The following NF1 variants were observed in gnomAD, a reference collection of about 807,000 sequenced individuals.
NF1 encodes neurofibromin 1, also known as neurofibromin.
Under a neutral mutation model 325.7 loss-of-function variants are expected in NF1, and 122 were observed. The ratio of observed to expected loss-of-function variants is 0.37; its 90% confidence interval spans 0.32 to 0.44. The LOEUF (loss-of-function observed/expected upper bound fraction) is 0.44, where lower values mean the gene tolerates loss of function less well. NF1 is among the 20% of genes least tolerant of loss of function. NF1 has a pLI of 1.00. For synonymous variants in NF1, 1,091 were observed against 1,186.0 expected (o/e 0.92, Z 1.65); for missense variants, 2,140 against 3,415.4 (o/e 0.63, Z 9.31).
chr17:31,185,532 A>G (rs995544096), intron 8 of NF1, among the ~76,000 whole-genome samples: 6 of 152,140 alleles, frequency 3.9e-5, no homozygotes, highest in Non-Finnish European at 8.8e-5. Flanking sequence ...TAAAATTTCT[A>G]GGGCTTCAGG....
At chr17:31,272,129 A>T (rs2151476814) in intron 36 of NF1, 1 of 152,362 alleles carries the variant, frequency 6.6e-6, no homozygotes, top group Middle Eastern at 3.4e-3. Flanking sequence ...AAAAATCAAG[A>T]TGATAATTTC....
rs1010335256 is a variant in NF1, at chr17:31,337,730, G to A, written c.6643-89G>A. 2.4e-5 allele frequency: 35 copies of A among 1,455,948 alleles called. No homozygotes were observed. The East Asian group carries it at 8.2e-4, about 34-fold the overall frequency. 90.2% of individuals were successfully genotyped at this position (1,455,948 alleles called of 1,614,324 possible). On this transcript the variant is annotated intron_variant, in intron 43 of 57. Coordinates refer to ENST00000358273, the MANE Select transcript of NF1 (RefSeq NM_001042492.3). ...TGCATGGACTGTGTTATTGGTAACA[G>A]GTCACTTAATGACATCATAATAAAC...
chr17:31,161,576 C>T (rs1357761780), intron 3 of NF1, among the ~76,000 whole-genome samples: 1 of 152,162 alleles, frequency 6.6e-6, no homozygotes, highest in Non-Finnish European at 1.5e-5. Context: ...TATATATTTA[C>T]AAAGTAGAGA....
intron 35 of NF1, 64 bp downstream of exon 35, chr17:31,261,921 A>G (rs2151466741): frequency 6.6e-7 from 1 of 1,526,374 alleles, no homozygotes; most frequent in Non-Finnish European, 9.1e-7. Context: ...GTTTGCCACC[A>G]GGCCACTTGT....
In NF1 at chr17:31,319,112, G is replaced by A. The variant is rs557207467; in HGVS notation, c.4836-6708G>A. The A allele has an allele frequency of 2.2e-6, 3 of 1,361,160 alleles. No individual in the cohort carries two copies. In the African/African-American group the frequency reaches 4.4e-5, roughly 20 times the overall value. The allele number at this position is 1,361,160 out of a possible 1,614,324, so 84.3% of individuals were successfully genotyped here. On this transcript the variant is annotated intron_variant, in intron 36 of 57. Coordinates refer to ENST00000358273, the MANE Select transcript of NF1 (RefSeq NM_001042492.3). ...TGTAGTTAAAAGATAGTGTTGAGAT[G>A]TTACAAGTAAACTACAAGCTTATGC...
At chr17:31,310,325 A>G (rs764937567) in intron 36 of NF1, among the ~76,000 whole-genome samples, 1 of 152,260 alleles carries the variant, frequency 6.6e-6, no homozygotes, top group Admixed American at 6.5e-5. Flanking sequence ...ACTAGAGAAG[A>G]TACAGAAAAG....
intron 1 of NF1, among the ~76,000 whole-genome samples, chr17:31,132,752 T>C (rs1915483950): frequency 1.3e-5 from 2 of 152,052 alleles, no homozygotes; most frequent in African/African-American, 2.4e-5. Context: ...CTGCAACATT[T>C]GCCTCCCGAG....
chr17:31,295,090 T>C (rs769875192), intron 36 of NF1: 12 of 1,614,144 alleles, frequency 7.4e-6, no homozygotes, highest in African/African-American at 2.7e-5. Context: ...CAGAAGGTAA[T>C]GGAGTCTTTA....
chr17:31,353,161 G>A (rs1385554974), intron 51 of NF1, among the ~76,000 whole-genome samples: 1 of 151,958 alleles, frequency 6.6e-6, no homozygotes, highest in Non-Finnish European at 1.5e-5. Context: ...CACCCTCCTC[G>A]GCCTCCCAAA....
At chr17:31,230,058 A>C in intron 22 of NF1, 84 bp downstream of exon 22, 2 of 1,548,986 alleles carry the variant, frequency 1.3e-6, no homozygotes, top group African/African-American at 1.4e-5. Flanking sequence ...GTAATTGATA[A>C]AATAACTGGC....
chr17:31,095,435 A>G (rs2143147787), intron 1 of NF1, 66 bp downstream of exon 1: 2 of 1,430,986 alleles, frequency 1.4e-6, no homozygotes, highest in Non-Finnish European at 1.9e-6. Context: ...AGGTGAGGGG[A>G]GGTAGGAGCG....
At chr17:31,156,240 A>G in intron 2 of NF1, 114 bp downstream of exon 2, 1 of 1,218,804 alleles carries the variant, frequency 8.2e-7, no homozygotes, top group Non-Finnish European at 1.2e-6. Flanking sequence ...GACTTTGGAT[A>G]TAACCATTAA....
In NF1 at chr17:31,376,178, C is replaced by T; in HGVS notation, c.*2023C>T. The T allele has an allele frequency of 4.3e-6, 1 of 233,088 alleles. No individual in the cohort carries two copies. Among genetic ancestry groups the T allele is most frequent in the Non-Finnish European group, 8.5e-6 (1 of 117,926 alleles). The allele number at this position is 233,088 out of a possible 1,614,324, so 14.4% of individuals were successfully genotyped here. On this transcript the variant is annotated 3_prime_UTR_variant, in exon 58 of 58. Coordinates refer to ENST00000358273, the MANE Select transcript of NF1 (RefSeq NM_001042492.3). ...GTTTCTGGGGTAAGTTTCACAGTTT[C>T]TAGGCCCTGGAATAGCAGGCAGTGT...
intron 4 of NF1, 76 bp from the exon 5 acceptor site, chr17:31,169,815 G>T: frequency 1.9e-6 from 2 of 1,029,982 alleles, no homozygotes; most frequent in East Asian, 2.5e-5. Flanking sequence ...TGAAGTGCTG[G>T]GATTACAGGT....
At chr17:31,367,197 GCTTT>G in intron 57 of NF1, 1 of 1,288,246 alleles carries the variant, frequency 7.8e-7, no homozygotes, top group Non-Finnish European at 1.0e-6. Flanking sequence ...TCACTTACTT[GCTTT>G]TTTTTCTTCC....
chr17:31,264,709 C>T (rs1252199380), intron 35 of NF1, among the ~76,000 whole-genome samples: 1 of 152,088 alleles, frequency 6.6e-6, no homozygotes, highest in Non-Finnish European at 1.5e-5. Context: ...AAAAATTAAA[C>T]CAGGCTTTAA....
chr17:31,108,245 C>T (rs1258110904), intron 1 of NF1, among the ~76,000 whole-genome samples: 2 of 144,106 alleles, frequency 1.4e-5, no homozygotes, highest in East Asian at 2.0e-4. Context: ...AAAAAGTTTC[C>T]AACATAAAAG....
chr17:31,217,198 G>A (rs190028474), intron 13 of NF1, among the ~76,000 whole-genome samples: 3 of 152,210 alleles, frequency 2.0e-5, no homozygotes, highest in Admixed American at 2.0e-4. Flanking sequence ...TAAGCTAACG[G>A]TTTTGAATTA....
rs745584321 is a variant in NF1 at position 31,201,624 on chromosome 17, G to A, written c.1260+139G>A. ...GTATGAAATAGGAAAATTTCTCCAT[G>A]GTGATTCTATTTGATAATTGATAAA... On this transcript the variant is annotated intron_variant, in intron 11 of 57. Coordinates refer to ENST00000358273, the MANE Select transcript of NF1 (RefSeq NM_001042492.3). 2.4e-4 allele frequency: 160 copies of A among 677,720 alleles called. 1 individual carries two copies. Among genetic ancestry groups the A allele is most frequent in the Non-Finnish European group, 3.8e-4 (144 of 379,892 alleles). 42.0% of individuals were successfully genotyped at this position (677,720 alleles called of 1,614,324 possible).
Sources: gnomAD v4.1 joint callset for allele counts (sites outside exome capture counted in the v4.1 genomes callset) on GRCh38, gnomAD v4.1.1 for gene constraint, MANE v1.5 for transcripts, NCBI Gene and HGNC (gene_info 2026-07-23, HGNC 2026-07-21) for gene names.